The following PREPL variants were observed in gnomAD, a reference collection of about 807,000 sequenced individuals.
PREPL encodes the protein prolyl endopeptidase-like.
Under a neutral mutation model 70.6 loss-of-function variants are expected in PREPL, and 77 were observed. The observed-to-expected ratio is 1.09, with a 90% CI of 0.91 to 1.32. PREPL has a LOEUF of 1.32. PREPL is among the 40% of genes most tolerant of loss of function. The pLI, the probability that PREPL is intolerant of heterozygous loss-of-function variation, is 0.00. For synonymous variants in PREPL, 315 were observed against 264.8 expected (o/e 1.19, Z -1.84); for missense variants, 1,002 against 778.2 (o/e 1.29, Z -3.42).
intron 1 of PREPL, among the ~76,000 whole-genome samples, chr2:44,356,970 A>C (rs143412307): frequency 0.012 from 1,894 of 152,248 alleles, 37 homozygotes; most frequent in African/African-American, 0.043. Flanking sequence ...ATACCCAGCT[A>C]ATTTTTAGTC....
rs777564297 is a variant in PREPL, at chr2:44,320,443, G to A, written c.*913C>T. The A allele has an allele frequency of 1.2e-6, 2 of 1,614,102 alleles. No homozygotes were observed. The highest frequency in any genetic ancestry group is 1.7e-5 in the Admixed American group (1 of 60,008). ...GGCCTTCCCGCTAAAATGAGAATAA[G>A]GTTAAGTACCAATTCTGCCGACAAA... On this transcript the variant is annotated 3_prime_UTR_variant, in exon 14 of 14. Transcript: ENST00000409411.
chr2:44,338,322 CAGTATT>C, intron 7 of PREPL, 23 bp downstream of exon 7: 1 of 1,566,424 alleles, frequency 6.4e-7, no homozygotes, highest in Non-Finnish European at 8.7e-7. Flanking sequence ...TTTTGATTAA[CAGTATT>C]AACTTCTGAA....
intron 1 of PREPL, among the ~76,000 whole-genome samples, chr2:44,349,376 C>T (rs1319024665): frequency 6.6e-6 from 1 of 152,006 alleles, no homozygotes; most frequent in Non-Finnish European, 1.5e-5. Flanking sequence ...ATACAAGTGT[C>T]AACTGAAGGG....
intron 1 of PREPL, among the ~76,000 whole-genome samples, chr2:44,357,499 T>C (rs1016188391): frequency 2.0e-5 from 3 of 152,242 alleles, no homozygotes; most frequent in African/African-American, 7.2e-5. Flanking sequence ...ACATGACATG[T>C]GACAGCAGGA....
chr2:44,336,672 A>T (rs2103891036), intron 7 of PREPL, among the ~76,000 whole-genome samples: 2 of 152,272 alleles, frequency 1.3e-5, no homozygotes, highest in South Asian at 4.1e-4. Flanking sequence ...TGTACCCCTG[A>T]AAGTAAAAGT....
intron 5 of PREPL, among the ~76,000 whole-genome samples, chr2:44,340,273 C>T (rs1221749906): frequency 6.6e-6 from 1 of 152,008 alleles, no homozygotes; most frequent in Non-Finnish European, 1.5e-5. Flanking sequence ...ATGATCTTCA[C>T]AATTATTTTC....
At chr2:44,348,612 ATCT>A (rs1007883896) in intron 1 of PREPL, among the ~76,000 whole-genome samples, 1 of 152,178 alleles carries the variant, frequency 6.6e-6, no homozygotes, top group African/African-American at 2.4e-5. Flanking sequence ...TCCAAAACTC[ATCT>A]TCTTAACTTT....
chr2:44,354,236 C>T (rs952396343), intron 1 of PREPL, among the ~76,000 whole-genome samples: 13 of 152,068 alleles, frequency 8.5e-5, no homozygotes, highest in Non-Finnish European at 1.3e-4. Flanking sequence ...TGTTTTCTAG[C>T]AATAAAATTT....
At chr2:44,323,053 C>T (rs1673139651) in intron 11 of PREPL, among the ~76,000 whole-genome samples, 199 bp from the exon 12 acceptor site, 1 of 152,062 alleles carries the variant, frequency 6.6e-6, no homozygotes, top group South Asian at 2.1e-4. Context: ...GACTAAAGGA[C>T]CTTAGCTAAT....
chr2:44,361,709 A>G (rs975655278), upstream of PREPL: 5 of 369,928 alleles, frequency 1.4e-5, no homozygotes, highest in Non-Finnish European at 2.4e-5. Flanking sequence ...GATGAAGCAC[A>G]GAAGGCTAAA....
intron 7 of PREPL, among the ~76,000 whole-genome samples, chr2:44,334,702 C>T (rs968937127): frequency 3.9e-5 from 6 of 152,128 alleles, no homozygotes; most frequent in Non-Finnish European, 7.4e-5. Context: ...CCTGCCACCA[C>T]GCCTGGCTAG....
At chr2:44,332,752 A>G in intron 7 of PREPL, 96 bp from the exon 8 acceptor site, 1 of 995,146 alleles carries the variant, frequency 1.0e-6, no homozygotes, top group Non-Finnish European at 1.5e-6. Flanking sequence ...TGATGTGGAT[A>G]TCTCGTTTAC....
At position 44,326,826 on chromosome 2, in the gene PREPL, G is replaced by T. The variant is rs1366490359; in HGVS notation, c.1365C>A (p.Gly455=). ...DLEACIKTLH[G]QGFSQPSLTT... is the part of the protein sequence containing the mutation. ...TTAGACTTGGCTGAGAAAAGCCTTG[G>T]CCATGAAGCGTCTTAATGCAAGCCT... The change falls in exon 10 of 14, where the codon GGC becomes GGA. Residue 455 remains glycine (G), a synonymous_variant. Transcript: ENST00000409411. The T allele has an allele frequency of 1.2e-6, 2 of 1,614,160 alleles. No homozygotes were observed. Among genetic ancestry groups the T allele is most frequent in the Non-Finnish European group, 1.7e-6 (2 of 1,180,018 alleles).
At chr2:44,361,004 C>A (rs1322582347) in intron 1 of PREPL, among the ~76,000 whole-genome samples, 1 of 152,044 alleles carries the variant, frequency 6.6e-6, no homozygotes. Context: ...AGGGGAGCAA[C>A]ACTAGTTTAC....
At position 44,328,997 on chromosome 2, in the gene PREPL, A is replaced by G. The variant is rs1377962595; in HGVS notation, c.1202T>C (p.Phe401Ser). 3.1e-6 allele frequency: 5 copies of G among 1,614,028 alleles called. No individual in the cohort carries two copies. The highest frequency in any genetic ancestry group is 4.2e-6 in the Non-Finnish European group (5 of 1,180,012). Residue 401 changes from phenylalanine to serine, a missense_variant, in exon 9 of 14, where the codon TTC becomes TCC. Phe to Ser is a radical substitution (Grantham distance 155, BLOSUM62 -2). Transcript: ENST00000409411. Reference protein sequence around the residue: ...GAYGMDLKMNFRPERRVLVDD... With the variant: ...GAYGMDLKMNSRPERRVLVDD... ...CACCAGGACCCGCCTCTCAGGCCTG[A>G]AATTCATTTTCAAATCCATTCCATA...
At chr2:44,332,304 A>C (rs1172902379) in intron 8 of PREPL, among the ~76,000 whole-genome samples, 155 bp downstream of exon 8, 1 of 152,212 alleles carries the variant, frequency 6.6e-6, no homozygotes, top group Non-Finnish European at 1.5e-5. Flanking sequence ...AGGTTAAAAA[A>C]AATTCACCTA....
At chr2:44,329,232 C>T (rs894218837) in intron 8 of PREPL, 120 bp from the exon 9 acceptor site, 1 of 764,324 alleles carries the variant, frequency 1.3e-6, no homozygotes, top group Admixed American at 3.2e-5. Context: ...TGATGTTGAG[C>T]ACAAATTTGT....
At position 44,359,550 on chromosome 2, in the gene PREPL, G is replaced by A. The variant is rs762603866; in HGVS notation, c.-49+1830C>T. 6.2e-7 allele frequency: 1 copy of A among 1,613,438 alleles called. No individual in the cohort carries two copies. The highest frequency in any genetic ancestry group is 1.7e-5 in the Admixed American group (1 of 60,014). On this transcript the variant is annotated intron_variant, in intron 1 of 13. Coordinates refer to ENST00000409411, the MANE Select transcript of PREPL (RefSeq NM_001171613.2). ...TTTCTTGCTAACTCTGATATCTTGG[G>A]TTTATTCTGAAGACACTTGGTTAGG...
intron 8 of PREPL, 29 bp downstream of exon 8, chr2:44,332,430 G>T: frequency 6.4e-7 from 1 of 1,560,368 alleles, no homozygotes; most frequent in Non-Finnish European, 8.8e-7. Context: ...CAGTAAATGG[G>T]AGCTGAAAGT....
Sources: gnomAD v4.1 joint callset for allele counts (sites outside exome capture counted in the v4.1 genomes callset) on GRCh38, gnomAD v4.1.1 for gene constraint, MANE v1.5 for transcripts, NCBI Gene and HGNC (gene_info 2026-07-23, HGNC 2026-07-21) for gene names.